Variants in CSMD1 observed in about 807,000 individuals in gnomAD.
CSMD1 encodes CUB and sushi domain-containing protein 1.
CSMD1 carries 213 observed loss-of-function variants against 417.5 expected under a neutral mutation model. That is an observed-to-expected ratio of 0.51 (90% CI 0.46 to 0.57). The LOEUF is 0.57. CSMD1 is among the 20% of genes least tolerant of loss of function. CSMD1 has a pLI of 0.00. For synonymous variants in CSMD1, 2,862 were observed against 1,736.8 expected, an observed-to-expected ratio of 1.65 and a Z score of -16.11; for missense variants, 6,923 against 4,529.7, an observed-to-expected ratio of 1.53 and a Z score of -15.17.
At chr8:3,273,979 G>A (rs1258887064) in intron 26 of CSMD1, among the ~76,000 whole-genome samples, 2 of 151,454 alleles carry the variant, frequency 1.3e-5, no homozygotes, top group South Asian at 2.1e-4. Flanking sequence ...GCTTTTGAAT[G>A]TGTTTGCTCT....
At chr8:3,140,558 A>C (rs1186709226) in intron 41 of CSMD1, among the ~76,000 whole-genome samples, 1 of 152,162 alleles carries the variant, frequency 6.6e-6, no homozygotes, top group Non-Finnish European at 1.5e-5. Context: ...CCAGTTTAAC[A>C]GACCTCAATC....
chr8:4,806,682 C>T (rs1473061732), intron 1 of CSMD1, among the ~76,000 whole-genome samples: 1 of 152,212 alleles, frequency 6.6e-6, no homozygotes. Flanking sequence ...ACCATGGTCG[C>T]AGTGCCTGTG....
intron 7 of CSMD1, among the ~76,000 whole-genome samples, chr8:3,669,430 G>T (rs1368048058): frequency 6.6e-6 from 1 of 152,128 alleles, no homozygotes; most frequent in Non-Finnish European, 1.5e-5. Context: ...ACTGTAGTGA[G>T]GGACTCCACT....
chr8:4,485,451 A>G (rs1801327194), intron 2 of CSMD1, among the ~76,000 whole-genome samples: 1 of 152,146 alleles, frequency 6.6e-6, no homozygotes, highest in African/African-American at 2.4e-5. Context: ...TGGATTCACA[A>G]GTTCCTTCAA....
intron 1 of CSMD1, among the ~76,000 whole-genome samples, chr8:4,804,500 A>G (rs1027037507): frequency 2.6e-5 from 4 of 151,084 alleles, no homozygotes. Flanking sequence ...GACTGACTTT[A>G]TATTACCACC....
chr8:3,399,514 T>G lies in CSMD1; in HGVS notation c.2282A>C (p.His761Pro). 6.3e-7 allele frequency: 1 copy of G among 1,599,388 alleles called. No homozygotes were observed. The highest frequency in any genetic ancestry group is 8.5e-7 in the Non-Finnish European group (1 of 1,173,708). ...AATGACTCCGCTGGACGCTGTCAGA[T>G]GTCCACCACATGGAGCTAAAACAAG... ...VPRCEAPCGGHLTASSGVILP... is the reference protein window; with the variant it reads ...VPRCEAPCGGPLTASSGVILP... Residue 761 changes from histidine (H) to proline (P), a missense_variant, in exon 16 of 70, where the codon CAT becomes CCT. His to Pro is a moderately conservative substitution (Grantham distance 77). Coordinates refer to ENST00000635120, the MANE Select transcript of CSMD1 (RefSeq NM_033225.6).
intron 3 of CSMD1, among the ~76,000 whole-genome samples, chr8:4,248,231 G>T (rs1203858895): frequency 6.6e-6 from 1 of 152,070 alleles, no homozygotes; most frequent in Non-Finnish European, 1.5e-5. Context: ...GCAGACAGTT[G>T]GCAGGACTAG....
chr8:4,325,927 G>T (rs574506395), intron 3 of CSMD1, among the ~76,000 whole-genome samples: 25 of 152,228 alleles, frequency 1.6e-4, no homozygotes, highest in Middle Eastern at 3.4e-3. Flanking sequence ...CATGCTGGCT[G>T]GGGCACCTTT....
At chr8:3,924,978 G>C (rs1377798628) in intron 5 of CSMD1, among the ~76,000 whole-genome samples, 6 of 152,068 alleles carry the variant, frequency 3.9e-5, no homozygotes, top group Admixed American at 6.6e-5. Flanking sequence ...ATTTGAAGCA[G>C]TATTTCTTTA....
chr8:4,154,590 G>A (rs75351665), intron 3 of CSMD1, among the ~76,000 whole-genome samples: 3 of 152,216 alleles, frequency 2.0e-5, no homozygotes, highest in African/African-American at 7.2e-5. Context: ...TGAGGTCTTT[G>A]GCAATAGGAA....
intron 10 of CSMD1, among the ~76,000 whole-genome samples, chr8:3,553,249 A>T (rs939400272): frequency 6.6e-6 from 1 of 152,222 alleles, no homozygotes; most frequent in African/African-American, 2.4e-5. Flanking sequence ...TCAGTAATGT[A>T]GCCATAGTTC....
chr8:4,613,206 G>C (rs1269646613), intron 2 of CSMD1, among the ~76,000 whole-genome samples: 4 of 152,178 alleles, frequency 2.6e-5, no homozygotes, highest in African/African-American at 4.8e-5. Flanking sequence ...GTTGGTAAGA[G>C]AGAAAACAAT....
intron 7 of CSMD1, among the ~76,000 whole-genome samples, chr8:3,699,213 A>T (rs1388080244): frequency 6.6e-6 from 1 of 152,236 alleles, no homozygotes; most frequent in Non-Finnish European, 1.5e-5. Context: ...TAGAGCACAC[A>T]ATGTAGACTG....
chr8:4,986,792 T>A (rs1012538609), intron 1 of CSMD1, among the ~76,000 whole-genome samples: 1 of 151,980 alleles, frequency 6.6e-6, no homozygotes, highest in African/African-American at 2.4e-5. Context: ...AAAGAAGAAA[T>A]CTTCTGAATT....
rs751748241 is a variant in CSMD1 at position 4,637,430 on chromosome 8, A to G, written c.214T>C (p.Leu72=). Reference sequence around the variant, plus strand: ...TCAAGAGCAAAGGTATGGAAGGACAACTGTATCCTATTGCGCTCGCCCGTG... The same window carrying G: ...TCAAGAGCAAAGGTATGGAAGGACAGCTGTATCCTATTGCGCTCGCCCGTG... The part of the protein sequence containing the change: ...IITGERNRIQ[L]SFHTFALEED... The change falls in exon 2 of 70, where the codon TTG becomes CTG. Residue 72 remains leucine (L), a synonymous_variant. Coordinates refer to ENST00000635120, the MANE Select transcript of CSMD1 (RefSeq NM_033225.6). 7.4e-6 allele frequency: 12 copies of G among 1,613,720 alleles called. No individual in the cohort carries two copies. The highest frequency in any genetic ancestry group is 1.0e-5 in the Non-Finnish European group (12 of 1,179,878).
At chr8:4,971,415 C>G (rs1356660388) in intron 1 of CSMD1, among the ~76,000 whole-genome samples, 1 of 152,006 alleles carries the variant, frequency 6.6e-6, no homozygotes, top group Non-Finnish European at 1.5e-5. Context: ...TTCTCTAACA[C>G]TACAATAATT....
At chr8:4,332,630 G>T (rs931375796) in intron 3 of CSMD1, among the ~76,000 whole-genome samples, 1 of 146,410 alleles carries the variant, frequency 6.8e-6, no homozygotes, top group Non-Finnish European at 1.5e-5. Context: ...GAGACATTCA[G>T]ATACACAGAC....
chr8:4,208,569 T>TCTA (rs888058694), intron 3 of CSMD1, among the ~76,000 whole-genome samples: 7 of 152,328 alleles, frequency 4.6e-5, no homozygotes, highest in African/African-American at 1.7e-4. Flanking sequence ...CTTGACTCAT[T>TCTA]CTATTTTCTT....
intron 3 of CSMD1, among the ~76,000 whole-genome samples, chr8:4,087,239 C>T (rs187721647): frequency 6.6e-6 from 1 of 152,278 alleles, no homozygotes; most frequent in Admixed American, 6.5e-5. Flanking sequence ...CGGCTAAGTC[C>T]ACCATGGCCA....
Sources: gnomAD v4.1 joint callset for allele counts (sites outside exome capture counted in the v4.1 genomes callset) on GRCh38, gnomAD v4.1.1 for gene constraint, MANE v1.5 for transcripts, NCBI Gene and HGNC (gene_info 2026-07-23, HGNC 2026-07-21) for gene names.